The following SLC2A13 variants were observed in gnomAD, a reference collection of about 807,000 sequenced individuals.
SLC2A13 encodes proton myo-inositol cotransporter.
In SLC2A13, 32 loss-of-function variants were observed where a neutral mutation model predicts 64.4. The observed-to-expected ratio is 0.50, with a 90% confidence interval of 0.37 to 0.67. The LOEUF (loss-of-function observed/expected upper bound fraction) is 0.67, where lower values mean the gene tolerates loss of function less well. SLC2A13 is among the 30% of genes least tolerant of loss of function. The pLI, the probability that SLC2A13 is intolerant of heterozygous loss-of-function variation, is 0.00. For missense variants in SLC2A13, 743 were observed against 829.2 expected (o/e 0.90, Z 1.28); for synonymous variants, 338 against 327.1 (o/e 1.03, Z -0.36).
At chr12:39,982,896 C>T (rs1313882771) in intron 3 of SLC2A13, among the ~76,000 whole-genome samples, 1 of 129,630 alleles carries the variant, frequency 7.7e-6, no homozygotes, top group Non-Finnish European at 1.7e-5. Context: ...AAGAACAAAG[C>T]TGGAGGCATC....
chr12:40,003,580 C>G (rs1947354473), intron 3 of SLC2A13, among the ~76,000 whole-genome samples: 1 of 152,086 alleles, frequency 6.6e-6, no homozygotes, highest in South Asian at 2.1e-4. Context: ...ACTGAAGGGA[C>G]TAATGACATG....
At chr12:39,895,649 C>T (rs111918811) in intron 4 of SLC2A13, among the ~76,000 whole-genome samples, 379 of 15,196 alleles carry the variant, frequency 0.025, 69 homozygotes, top group African/African-American at 0.04. Context: ...TGCGTGTATA[C>T]GTACACACAT....
In SLC2A13 at chr12:40,048,208, T is replaced by C. The variant is rs1269189401; in HGVS notation, c.559A>G (p.Ile187Val). ...TACACTGGCACTGTCATAGAAGCAA[T>C]GCCTATAAAAACAATGAAAAGTAAA... ...GRLVVGLGIGIASMTVPVYIA... is the reference protein window; with the variant it reads ...GRLVVGLGIGVASMTVPVYIA... Residue 187 changes from isoleucine to valine, a missense_variant and splice_region_variant, in exon 2 of 10, where the codon ATT (isoleucine) becomes GTT (valine). By Grantham distance (29) the Ile-to-Val change is conservative. Transcript: ENST00000280871. 2 of 1,591,296 alleles carry C rather than the reference T, an allele frequency of 1.3e-6. No homozygotes were observed. The highest frequency in any genetic ancestry group is 1.9e-5 in the Admixed American group (1 of 52,602).
chr12:39,845,016 G>C (rs1383543166), intron 6 of SLC2A13, among the ~76,000 whole-genome samples: 2 of 151,644 alleles, frequency 1.3e-5, no homozygotes, highest in Non-Finnish European at 2.9e-5. Flanking sequence ...ACTTGATAAA[G>C]TTAAAAATAA....
chr12:40,040,938 A>G (rs1023964064), intron 2 of SLC2A13, among the ~76,000 whole-genome samples: 1 of 151,472 alleles, frequency 6.6e-6, no homozygotes. Flanking sequence ...TCTTATTGAC[A>G]TGGATTTTAA....
At chr12:39,852,495 A>T (rs753998959) in intron 6 of SLC2A13, among the ~76,000 whole-genome samples, 10 of 152,194 alleles carry the variant, frequency 6.6e-5, no homozygotes, top group Non-Finnish European at 8.8e-5. Flanking sequence ...ATTGATCATG[A>T]CTCACAGAAG....
At chr12:39,870,332 A>G (rs1944012573) in intron 5 of SLC2A13, among the ~76,000 whole-genome samples, 1 of 152,192 alleles carries the variant, frequency 6.6e-6, no homozygotes, top group Non-Finnish European at 1.5e-5. Context: ...AGCAAATCCA[A>G]TTTCCAGCCC....
At chr12:40,035,202 T>A (rs1027028154) in intron 2 of SLC2A13, among the ~76,000 whole-genome samples, 6 of 152,166 alleles carry the variant, frequency 3.9e-5, no homozygotes, top group African/African-American at 1.4e-4. Context: ...TATCCATGGA[T>A]TTACAAAAGA....
intron 3 of SLC2A13, among the ~76,000 whole-genome samples, chr12:39,965,739 T>G (rs957858098): frequency 9.2e-5 from 14 of 152,100 alleles, no homozygotes; most frequent in African/African-American, 3.1e-4. Context: ...TAAGGGTAAT[T>G]TCCTTCAGGA....
chr12:39,813,946 C>T (rs1316317625), intron 7 of SLC2A13, among the ~76,000 whole-genome samples: 1 of 152,204 alleles, frequency 6.6e-6, no homozygotes, highest in East Asian at 1.9e-4. Flanking sequence ...GATAACTCCA[C>T]ATTTCGAAAG....
intron 3 of SLC2A13, among the ~76,000 whole-genome samples, chr12:39,989,124 A>T (rs183526139): frequency 2.6e-5 from 4 of 152,248 alleles, no homozygotes; most frequent in Admixed American, 1.3e-4. Flanking sequence ...TCTTGAATAA[A>T]AGCCTAAATC....
At chr12:40,071,156 C>G (rs1937940802) in intron 1 of SLC2A13, among the ~76,000 whole-genome samples, 1 of 152,132 alleles carries the variant, frequency 6.6e-6, no homozygotes. Flanking sequence ...TTTTTGGGCT[C>G]TCTGTCTCAC....
chr12:39,916,716 C>G (rs765594225), intron 4 of SLC2A13, among the ~76,000 whole-genome samples: 11 of 152,060 alleles, frequency 7.2e-5, no homozygotes, highest in Non-Finnish European at 1.3e-4. Flanking sequence ...ACAGTAATAA[C>G]CTGACTTCTA....
In SLC2A13 at chr12:39,983,259, T is replaced by C. The variant is rs901146961; in HGVS notation, c.926-31894A>G. ...AACCTAGGCATTACCATTCAGGACA[T>C]AGGCGTGGGCAAGGACTTCATGTCC... On this transcript the variant is annotated intron_variant, in intron 3 of 9. Coordinates refer to ENST00000280871, the MANE Select transcript of SLC2A13 (RefSeq NM_052885.4). 1.2e-4 allele frequency among the ~76,000 whole-genome samples: 16 copies of C among 134,394 alleles called. 1 individual carries two copies. The South Asian group carries it at 4.0e-3, about 34-fold the overall frequency. The allele number at this position is 134,394 out of a possible 152,430, so 88.2% of individuals were successfully genotyped here. A position where few individuals can be genotyped will look rare whatever the true frequency, so the allele number is the denominator to read the frequency against.
At chr12:39,883,245 T>C (rs1944388055) in intron 4 of SLC2A13, among the ~76,000 whole-genome samples, 1 of 152,072 alleles carries the variant, frequency 6.6e-6, no homozygotes. Context: ...GAGTAGGATG[T>C]AAAGGAAAGG....
chr12:39,853,835 A>G (rs1592207045), intron 6 of SLC2A13, among the ~76,000 whole-genome samples: 1 of 152,266 alleles, frequency 6.6e-6, no homozygotes, highest in East Asian at 1.9e-4. Context: ...AACTTTGGCC[A>G]CTAAATACCT....
intron 7 of SLC2A13, among the ~76,000 whole-genome samples, chr12:39,787,192 C>T (rs1941222531): frequency 6.6e-6 from 1 of 152,006 alleles, no homozygotes; most frequent in South Asian, 2.1e-4. Context: ...TGTAACAGAC[C>T]CAGGTTTGAA....
intron 1 of SLC2A13, among the ~76,000 whole-genome samples, chr12:40,087,186 A>G (rs1393212058): frequency 6.6e-6 from 1 of 152,198 alleles, no homozygotes; most frequent in African/African-American, 2.4e-5. Flanking sequence ...AAAAGCAAGT[A>G]ATTTTTAAAA....
rs1004705109 is a variant in SLC2A13 at position 39,912,519 on chromosome 12, C to A, written c.1034+38738G>T. 4.6e-5 allele frequency among the ~76,000 whole-genome samples: 7 copies of A among 151,980 alleles called. No individual in the cohort carries two copies. In the South Asian group the frequency reaches 8.3e-4, roughly 18 times the overall value. ...AAGCAGGAAGAAGTTATCCTAATAT[C>A]CTAATATGGATAGAAAAGTTATAAT... On this transcript the variant is annotated intron_variant, in intron 4 of 9. Coordinates refer to ENST00000280871, the MANE Select transcript of SLC2A13 (RefSeq NM_052885.4).
Sources: gnomAD v4.1 joint callset for allele counts (sites outside exome capture counted in the v4.1 genomes callset) on GRCh38, gnomAD v4.1.1 for gene constraint, MANE v1.5 for transcripts, NCBI Gene and HGNC (gene_info 2026-07-23, HGNC 2026-07-21) for gene names.